CDC25C: variants seen among roughly 807,000 people sequenced by gnomAD.
The protein encoded by CDC25C is cell division cycle 25C.
Under a neutral mutation model 52.5 loss-of-function variants are expected in CDC25C, and 48 were observed. The ratio of observed to expected loss-of-function variants is 0.91; its 90% CI spans 0.72 to 1.16. The LOEUF is 1.16. Among genes scored for constraint, CDC25C ranks in the 50% most tolerant of loss-of-function variants. CDC25C has a pLI of 0.00. For missense variants in CDC25C, 510 were observed against 566.1 expected (o/e 0.90, Z 1.01); for synonymous variants, 187 against 206.5 (o/e 0.91, Z 0.81).
rs1756327186 is a variant in CDC25C at position 138,287,235 on chromosome 5, AC to A, written c.959del (p.Gly320ValfsTer2). The A allele has an allele frequency of 6.2e-7, 1 of 1,613,792 alleles. No homozygotes were observed. The highest frequency in any genetic ancestry group is 8.5e-7 in the Non-Finnish European group (1 of 1,179,958). On this transcript the variant is annotated frameshift_variant, in exon 11 of 14. Transcript: ENST00000323760. LOFTEE classifies it high-confidence loss of function. ...CAATGACATAAAACTTCTCAATCAG[AC>A]CCTGGAACTTCCCCGACAGTAAGGC... is the stretch of plus-strand genomic sequence containing the variant. ...VAALLSGKFQGLIEKFYVIDC... is the reference protein window; with the variant it reads ...VAALLSGKFQXLIEKFYVIDC...
chr5:138,285,878 C>T, intron 13 of CDC25C, 37 bp from the exon 14 acceptor site: 1 of 1,606,198 alleles, frequency 6.2e-7, no homozygotes, highest in African/African-American at 1.3e-5. Context: ...ATTCTCTAGA[C>T]TCCTGAACTC....
In CDC25C at chr5:138,286,135, T is replaced by G. The variant is rs1488696040; in HGVS notation, c.1161-2A>C. 3 of 1,609,454 alleles carry G rather than the reference T, an allele frequency of 1.9e-6. No individual in the cohort carries two copies. In the East Asian group the frequency reaches 6.7e-5, roughly 36 times the overall value. ...TCCTCTTCACGCAGACAGCGGCACC[T>G]TTAGAGAGAACCCAGAGATGGGTGG... On this transcript the variant is annotated splice_acceptor_variant, in intron 12 of 13. Coordinates refer to ENST00000323760, the MANE Select transcript of CDC25C (RefSeq NM_001790.5). LOFTEE classifies it high-confidence loss of function.
chr5:138,328,419 G>A, intron 4 of CDC25C, 65 bp downstream of exon 4: 1 of 1,457,642 alleles, frequency 6.9e-7, no homozygotes, highest in South Asian at 1.1e-5. Context: ...GTCTGCACAG[G>A]ATAAAATCTC....
chr5:138,325,913 G>A lies in CDC25C; in HGVS notation c.370-9C>T. The A allele has an allele frequency of 6.2e-7, 1 of 1,613,472 alleles. No homozygotes were observed. On this transcript the variant is annotated splice_polypyrimidine_tract_variant and intron_variant, in intron 5 of 13. Transcript: ENST00000323760. ...CTACAAAGAAGCTGTGCCTAAAAAAGAGAGTTTGCTGAGAACGTCCAGCAT... is the reference window on the plus strand; with the variant it reads ...CTACAAAGAAGCTGTGCCTAAAAAAAAGAGTTTGCTGAGAACGTCCAGCAT...
At chr5:138,303,036 T>G (rs1397960526) in intron 7 of CDC25C, among the ~76,000 whole-genome samples, 1 of 152,092 alleles carries the variant, frequency 6.6e-6, no homozygotes, top group Non-Finnish European at 1.5e-5. Context: ...TGCCACGCAC[T>G]CCAGCCTGGG....
chr5:138,316,148 G>A (rs1455463449), intron 7 of CDC25C, among the ~76,000 whole-genome samples: 2 of 152,214 alleles, frequency 1.3e-5, no homozygotes, highest in Admixed American at 1.3e-4. Flanking sequence ...GCCCTCCCAG[G>A]TGCAGGACCT....
At chr5:138,305,176 C>A (rs180953011) in intron 7 of CDC25C, among the ~76,000 whole-genome samples, 1 of 152,300 alleles carries the variant, frequency 6.6e-6, no homozygotes. Context: ...TAACTTAATA[C>A]CAGCTTGTCC....
intron 7 of CDC25C, among the ~76,000 whole-genome samples, chr5:138,299,504 A>C (rs1757481756): frequency 6.6e-6 from 1 of 151,224 alleles, no homozygotes; most frequent in Admixed American, 6.6e-5. Flanking sequence ...TCAAAAAAAA[A>C]AAAAAAAAGA....
rs757219031 is a variant in CDC25C at position 138,319,395 on chromosome 5, A to G, written c.460-21T>C. 7.6e-6 allele frequency: 12 copies of G among 1,570,054 alleles called. 1 individual carries two copies. Among genetic ancestry groups the G allele is most frequent in the Non-Finnish European group, 1.0e-5 (12 of 1,153,272 alleles). ...TTGTCCTGTCAAGTATATTGACAAC[A>G]TTAAAAACTATTCAAAATATATCAA... On this transcript the variant is annotated intron_variant, in intron 6 of 13. Transcript: ENST00000323760.
Position 138,289,583 on chromosome 5 carries a change from G to C in CDC25C, c.865-20C>G. The C allele has an allele frequency of 6.2e-7, 1 of 1,600,240 alleles. No homozygotes were observed. The highest frequency in any genetic ancestry group is 8.6e-7 in the Non-Finnish European group (1 of 1,167,382). On this transcript the variant is annotated intron_variant, in intron 9 of 13. Transcript: ENST00000323760. The stretch of plus-strand genomic sequence containing the variant: ...ACATACCTAGAAATACACAAGAGCT[G>C]AAATAACAGCAAGTATTCCACACCC...
At chr5:138,334,542 G>C (rs1561733255), upstream of CDC25C, among the ~76,000 whole-genome samples, 1 of 151,730 alleles carries the variant, frequency 6.6e-6, no homozygotes, top group Non-Finnish European at 1.5e-5. Context: ...AGTTGAGACA[G>C]GGTTTCGCTG....
Position 138,328,464 on chromosome 5 carries a change from C to A in CDC25C, c.335+20G>T. ...TGCTAAAAGGCTTTTGTGTGGGGTT[C>A]ATTTAACAACAGAACTTACATCCCA... On this transcript the variant is annotated intron_variant, in intron 4 of 13. Transcript: ENST00000323760. 1 of 1,612,056 alleles carries A rather than the reference C, an allele frequency of 6.2e-7. No homozygotes were observed. Among genetic ancestry groups the A allele is most frequent in the Middle Eastern group, 1.7e-4 (1 of 6,056 alleles).
chr5:138,303,830 T>C (rs560249588), intron 7 of CDC25C, among the ~76,000 whole-genome samples: 1 of 152,166 alleles, frequency 6.6e-6, no homozygotes, highest in Non-Finnish European at 1.5e-5. Flanking sequence ...GAATGTAAGC[T>C]CAGATACTAC....
At chr5:138,296,798 G>T (rs1460378715) in intron 7 of CDC25C, among the ~76,000 whole-genome samples, 1 of 151,172 alleles carries the variant, frequency 6.6e-6, no homozygotes, top group African/African-American at 2.4e-5. Flanking sequence ...GTAGAGACGG[G>T]GTTTCACCGT....
intron 7 of CDC25C, among the ~76,000 whole-genome samples, chr5:138,300,610 T>C (rs1404070595): frequency 1.3e-5 from 2 of 151,970 alleles, no homozygotes. Context: ...AATAAGCATA[T>C]AGATGTGTTC....
chr5:138,313,401 A>T (rs1046182758), intron 7 of CDC25C, among the ~76,000 whole-genome samples: 1 of 149,870 alleles, frequency 6.7e-6, no homozygotes, highest in Non-Finnish European at 1.5e-5. Flanking sequence ...AAAAAAAAAA[A>T]AGAGAGAATT....
intron 6 of CDC25C, among the ~76,000 whole-genome samples, chr5:138,322,316 T>G (rs1759481857): frequency 6.6e-6 from 1 of 150,874 alleles, no homozygotes. Flanking sequence ...TTATTATTAT[T>G]TGAGACAGAG....
At chr5:138,294,901 G>A (rs563906790) in intron 7 of CDC25C, among the ~76,000 whole-genome samples, 1 of 152,032 alleles carries the variant, frequency 6.6e-6, no homozygotes, top group Non-Finnish European at 1.5e-5. Flanking sequence ...CACCAGCCTC[G>A]GCCTCCCAAA....
chr5:138,287,858 A>T (rs1437784171), intron 10 of CDC25C, among the ~76,000 whole-genome samples: 1 of 152,216 alleles, frequency 6.6e-6, no homozygotes, highest in Non-Finnish European at 1.5e-5. Context: ...AGATGTAGGC[A>T]CAATTATATT....
Sources: gnomAD v4.1 joint callset for allele counts (sites outside exome capture counted in the v4.1 genomes callset) on GRCh38, gnomAD v4.1.1 for gene constraint, MANE v1.5 for transcripts, NCBI Gene and HGNC (gene_info 2026-07-23, HGNC 2026-07-21) for gene names.